Variants in TECRL observed in about 807,000 individuals in gnomAD.
The protein encoded by TECRL is trans-2,3-enoyl-CoA reductase like.
A neutral mutation model predicts 52.8 loss-of-function variants in TECRL; 63 were observed. That is an observed-to-expected ratio of 1.19 (90% CI 0.97 to 1.47). The LOEUF is 1.47. Ranked by LOEUF, TECRL falls within the 40% of genes most tolerant of loss-of-function variation. The pLI is 0.00. For synonymous variants in TECRL, 164 were observed against 141.9 expected, an observed-to-expected ratio of 1.16 and a Z score of -1.10; for missense variants, 482 against 429.6, an observed-to-expected ratio of 1.12 and a Z score of -1.08.
intron 2 of TECRL, among the ~76,000 whole-genome samples, chr4:64,364,191 T>TA (rs1389616016): frequency 3.5e-4 from 52 of 149,884 alleles, no homozygotes; most frequent in Middle Eastern, 3.4e-3. Flanking sequence ...GGGCAGAAAT[T>TA]TAAAAAAAAA....
At chr4:64,329,219 A>C (rs1347091059) in intron 2 of TECRL, among the ~76,000 whole-genome samples, 1 of 151,982 alleles carries the variant, frequency 6.6e-6, no homozygotes, top group Non-Finnish European at 1.5e-5. Flanking sequence ...TCTTAAAATA[A>C]ATTCTATACT....
At chr4:64,341,525 G>T (rs1719567219) in intron 2 of TECRL, among the ~76,000 whole-genome samples, 1 of 152,090 alleles carries the variant, frequency 6.6e-6, no homozygotes, top group Non-Finnish European at 1.5e-5. Flanking sequence ...ATTTGAACCT[G>T]GGAGGTGGAG....
At position 64,393,176 on chromosome 4, in the gene TECRL, C is replaced by T. The variant is rs543629660; in HGVS notation, c.234+15942G>A. Among the ~76,000 whole-genome samples the T allele has an allele frequency of 3.9e-5, 6 of 152,096 alleles. No homozygotes were observed. The South Asian group carries it at 1.0e-3, about 26-fold the overall frequency. On this transcript the variant is annotated intron_variant, in intron 1 of 11. Transcript: ENST00000381210. ...ATATAATTGATAGTAAACCTATTAC[C>T]TAGAAGGCTTTTGGCATTTAAAGTA...
downstream of TECRL, chr4:64,276,866 T>A (rs1722592640): frequency 2.5e-6 from 1 of 406,182 alleles, no homozygotes; most frequent in East Asian, 3.4e-5. Flanking sequence ...CATACCCATA[T>A]ACATATGCAT....
chr4:64,335,445 G>T (rs1383040391), intron 2 of TECRL, among the ~76,000 whole-genome samples: 2 of 152,144 alleles, frequency 1.3e-5, no homozygotes, highest in Non-Finnish European at 1.5e-5. Context: ...CTACATTTTG[G>T]TGAGCTACAT....
chr4:64,364,679 T>C (rs1721468880), intron 2 of TECRL, among the ~76,000 whole-genome samples: 1 of 151,784 alleles, frequency 6.6e-6, no homozygotes, highest in South Asian at 2.1e-4. Flanking sequence ...CCTGGAAACA[T>C]ACAGCCTCCC....
chr4:64,280,339 C>T, intron 11 of TECRL, 140 bp from the exon 12 acceptor site: 1 of 661,818 alleles, frequency 1.5e-6, no homozygotes, highest in African/African-American at 1.9e-5. Context: ...ATTATTCATA[C>T]CCATTCCCAA....
chr4:64,313,259 A>G (rs1338543901), intron 5 of TECRL, among the ~76,000 whole-genome samples: 1 of 151,322 alleles, frequency 6.6e-6, no homozygotes, highest in African/African-American at 2.4e-5. Context: ...TTGCTTCTTA[A>G]TTCACTTGGA....
chr4:64,372,870 G>C (rs1722076196), intron 2 of TECRL, among the ~76,000 whole-genome samples: 1 of 151,410 alleles, frequency 6.6e-6, no homozygotes. Flanking sequence ...CCTGACAAAT[G>C]TGGCTTTGTA....
chr4:64,334,045 A>AAAG (rs1718864261), intron 2 of TECRL, among the ~76,000 whole-genome samples: 1 of 119,838 alleles, frequency 8.3e-6, no homozygotes, highest in Admixed American at 8.1e-5. Flanking sequence ...AAAAAAAAAA[A>AAAG]AAAAGAAAAA....
intron 6 of TECRL, among the ~76,000 whole-genome samples, chr4:64,308,954 A>G (rs1173618961): frequency 2.6e-5 from 4 of 152,214 alleles, no homozygotes; most frequent in Non-Finnish European, 4.4e-5. Flanking sequence ...ATATTTTTCT[A>G]ACAATTAGTG....
At chr4:64,305,035 G>C in intron 7 of TECRL, 131 bp downstream of exon 7, 3 of 621,556 alleles carry the variant, frequency 4.8e-6, no homozygotes, top group Non-Finnish European at 8.0e-6. Context: ...AACATTTAAA[G>C]AAATATGATA....
At chr4:64,356,422 T>G (rs1720777094) in intron 2 of TECRL, among the ~76,000 whole-genome samples, 1 of 152,140 alleles carries the variant, frequency 6.6e-6, no homozygotes, top group African/African-American at 2.4e-5. Context: ...ATTGTACATT[T>G]GTTCAATTCT....
At chr4:64,307,728 A>G (rs1724422308) in intron 6 of TECRL, among the ~76,000 whole-genome samples, 1 of 152,196 alleles carries the variant, frequency 6.6e-6, no homozygotes, top group African/African-American at 2.4e-5. Context: ...TAACCCATGT[A>G]TATAAAGTGT....
At chr4:64,396,828 G>T (rs1723988262) in intron 1 of TECRL, among the ~76,000 whole-genome samples, 2 of 151,932 alleles carry the variant, frequency 1.3e-5, no homozygotes, top group African/African-American at 4.8e-5. Flanking sequence ...GTTGATTTTT[G>T]TATATGGCGA....
At chr4:64,373,266 G>A (rs193081434) in intron 2 of TECRL, among the ~76,000 whole-genome samples, 1 of 150,860 alleles carries the variant, frequency 6.6e-6, no homozygotes, top group African/African-American at 2.4e-5. Flanking sequence ...AGTGAAAAAA[G>A]TCACTATTTA....
At chr4:64,346,040 A>ACAC (rs1719959677) in intron 2 of TECRL, among the ~76,000 whole-genome samples, 1 of 151,968 alleles carries the variant, frequency 6.6e-6, no homozygotes, top group African/African-American at 2.4e-5. Flanking sequence ...ACACACAAAC[A>ACAC]CACACAGGCT....
intron 8 of TECRL, among the ~76,000 whole-genome samples, chr4:64,294,943 A>T (rs1162911900): frequency 3.3e-5 from 5 of 151,948 alleles, no homozygotes; most frequent in Non-Finnish European, 7.4e-5. Context: ...ATCCACATAG[A>T]ATTAAGTGCT....
chr4:64,395,110 A>T (rs1371563754), intron 1 of TECRL, among the ~76,000 whole-genome samples: 1 of 151,696 alleles, frequency 6.6e-6, no homozygotes, highest in East Asian at 1.9e-4. Flanking sequence ...CAGATTGGCC[A>T]GGCTGGTCTA....
Sources: allele counts gnomAD v4.1 joint callset (sites outside exome capture counted in the v4.1 genomes callset), GRCh38; gene constraint gnomAD v4.1.1; transcripts MANE v1.5; gene names NCBI Gene and HGNC (gene_info 2026-07-23, HGNC 2026-07-21).